Variants in EML5 observed in about 807,000 individuals in gnomAD.
EML5 encodes the protein echinoderm microtubule-associated protein-like 5.
EML5 carries 120 observed loss-of-function variants against 250.0 expected under a neutral mutation model. That is an observed-to-expected ratio of 0.48 (90% CI 0.41 to 0.56). EML5 has a LOEUF of 0.56. Ranked by LOEUF, EML5 falls within the 20% of genes least tolerant of loss-of-function variation. The pLI is 0.00. For missense variants in EML5, 2,006 were observed against 2,437.6 expected (o/e 0.82, Z 3.73); for synonymous variants, 771 against 806.5 (o/e 0.96, Z 0.75).
At chr14:88,714,645 T>C (rs1443952898) in intron 9 of EML5, among the ~76,000 whole-genome samples, 3 of 152,168 alleles carry the variant, frequency 2.0e-5, no homozygotes, top group African/African-American at 7.2e-5. Flanking sequence ...ATCAAAACAT[T>C]ACATTGTAAA....
intron 21 of EML5, among the ~76,000 whole-genome samples, chr14:88,670,618 T>C (rs1254489868): frequency 6.6e-6 from 1 of 152,166 alleles, no homozygotes; most frequent in Non-Finnish European, 1.5e-5. Context: ...TAATGAATTT[T>C]GCTGAGCTAA....
In EML5 at chr14:88,614,769, A is replaced by T. The variant is rs1595168615; in HGVS notation, c.*1049T>A. 1 of 152,240 alleles carries T rather than the reference A, an allele frequency of 6.6e-6. No individual in the cohort carries two copies. The highest frequency in any genetic ancestry group is 2.4e-5 in the African/African-American group (1 of 41,474). 9.4% of individuals were successfully genotyped at this position (152,240 alleles called of 1,614,324 possible). A position where few individuals can be genotyped will look rare whatever the true frequency, so the allele number is the denominator to read the frequency against. On this transcript the variant is annotated 3_prime_UTR_variant, in exon 44 of 44. Transcript: ENST00000554922. ...AATTCAGCCCTAATCCACTAAAAAA[A>T]GGAATTCTAACTGACAAGTTTTTAC... is the stretch of plus-strand genomic sequence containing the variant.
intron 1 of EML5, among the ~76,000 whole-genome samples, chr14:88,767,862 C>T (rs776910548): frequency 5.5e-5 from 7 of 127,148 alleles, no homozygotes; most frequent in Non-Finnish European, 7.9e-5. Context: ...AATATCATTA[C>T]CTAAACTAAA....
rs762287867 is a variant in EML5, at chr14:88,643,038, T to A, written c.4108-16A>T. 5.7e-5 allele frequency: 88 copies of A among 1,555,658 alleles called. No individual in the cohort carries two copies. The highest frequency in any genetic ancestry group is 1.7e-4 in the Middle Eastern group (1 of 5,884). On this transcript the variant is annotated splice_polypyrimidine_tract_variant and intron_variant, in intron 30 of 43. Transcript: ENST00000554922. ...ACACAAGGTCCTATAATGATAATAA[T>A]AAAACCATTATATTCTTCCTCATGT...
intron 17 of EML5, among the ~76,000 whole-genome samples, chr14:88,688,954 C>T (rs2092899613): frequency 6.6e-6 from 1 of 152,120 alleles, no homozygotes; most frequent in Non-Finnish European, 1.5e-5. Context: ...TTTAAGCAAT[C>T]TCATTTTTCA....
intron 9 of EML5, among the ~76,000 whole-genome samples, chr14:88,713,836 ATTTG>A (rs1202325555): frequency 2.5e-5 from 3 of 122,016 alleles, no homozygotes; most frequent in East Asian, 4.2e-4. Context: ...TGCAAAGTTT[ATTTG>A]TTTTTTTTTT....
Position 88,644,459 on chromosome 14 carries a change from C to T in EML5, c.4081G>A (p.Val1361Ile), listed in dbSNP as rs1277706954. ...PQPEKLQTNNVGKKKRPIEDL... is the reference protein window; with the variant it reads ...PQPEKLQTNNIGKKKRPIEDL... Reference sequence around the variant, plus strand: ...TCTATAGGTCTCTTTTTCTTGCCTACATTGTTTGTCTGGAGTTTCTCTGGC... The same window carrying T: ...TCTATAGGTCTCTTTTTCTTGCCTATATTGTTTGTCTGGAGTTTCTCTGGC... The change falls in exon 30 of 44, where the codon GTA becomes ATA. Residue 1361 changes from valine (V) to isoleucine (I), a missense_variant. Coordinates refer to ENST00000554922, the MANE Select transcript of EML5 (RefSeq NM_183387.3). 3.7e-6 allele frequency: 6 copies of T among 1,613,750 alleles called. No individual in the cohort carries two copies. The highest frequency in any genetic ancestry group is 1.1e-5 in the South Asian group (1 of 91,072).
chr14:88,756,034 T>C (rs1383835092), intron 1 of EML5, among the ~76,000 whole-genome samples: 1 of 151,868 alleles, frequency 6.6e-6, no homozygotes, highest in Admixed American at 6.6e-5. Context: ...ATAAAGAAGA[T>C]AAAATTAACA....
At position 88,687,151 on chromosome 14, in the gene EML5, C is replaced by T. The variant is rs2092851168; in HGVS notation, c.2854+65G>A. On this transcript the variant is annotated intron_variant, in intron 19 of 43. Coordinates refer to ENST00000554922, the MANE Select transcript of EML5 (RefSeq NM_183387.3). ...ATGCCATGTGTTCCACCTCAGTGAT[C>T]ACACACATTAATGAGCAATTAATCT... 4.1e-6 allele frequency: 5 copies of T among 1,223,910 alleles called. No individual in the cohort carries two copies. The Admixed American group carries it at 1.1e-4, about 28-fold the overall frequency. The allele number at this position is 1,223,910 out of a possible 1,614,324, so 75.8% of individuals were successfully genotyped here. A position where few individuals can be genotyped will look rare whatever the true frequency, so the allele number is the denominator to read the frequency against.
At chr14:88,751,317 T>C (rs955313950) in intron 2 of EML5, among the ~76,000 whole-genome samples, 3 of 152,146 alleles carry the variant, frequency 2.0e-5, no homozygotes, top group East Asian at 1.9e-4. Flanking sequence ...AATCCATTAA[T>C]TGGAAGAGAG....
intron 21 of EML5, among the ~76,000 whole-genome samples, chr14:88,667,109 A>C (rs1437347952): frequency 7.9e-5 from 12 of 152,172 alleles, no homozygotes; most frequent in Admixed American, 5.9e-4. Context: ...GATAAACTAG[A>C]GGAGGAACCA....
At chr14:88,621,531 A>T in intron 37 of EML5, 1 of 555,502 alleles carries the variant, frequency 1.8e-6, no homozygotes, top group Non-Finnish European at 3.2e-6. Flanking sequence ...ACAGAATAGA[A>T]CTTTTCTGTG....
At position 88,792,944 on chromosome 14, in the gene EML5, G is replaced by GAGCGA. The variant is rs2094625333; in HGVS notation, c.-446_-442dup. ...GACCCGCGCCGCGCACCCCGAAACC[G>GAGCGA]AGCGAGCCGAGCCGAGCCGAGCCGA... On this transcript the variant is annotated 5_prime_UTR_variant, in exon 1 of 44. Transcript: ENST00000554922. This position sits in a 1 kb window ranked among gnomAD's most constrained non-coding sequence, Gnocchi z 6.9. Among the ~76,000 whole-genome samples the GAGCGA allele has an allele frequency of 6.8e-6, 1 of 146,592 alleles. No individual in the cohort carries two copies. The highest frequency in any genetic ancestry group is 1.5e-5 in the Non-Finnish European group (1 of 67,464).
At position 88,726,709 on chromosome 14, in the gene EML5, G is replaced by A. The variant is rs144277481; in HGVS notation, c.1050-31C>T. On this transcript the variant is annotated intron_variant, in intron 7 of 43. Coordinates refer to ENST00000554922, the MANE Select transcript of EML5 (RefSeq NM_183387.3). ...AAATTTAATTTAAAAAATAAAAAAG[G>A]TTAGCTAATGCATACTTTAGTAAAA... 21 of 1,467,904 alleles carry A rather than the reference G, an allele frequency of 1.4e-5. No individual in the cohort carries two copies. In the East Asian group the frequency reaches 4.3e-4, roughly 30 times the overall value. 90.9% of individuals were successfully genotyped at this position (1,467,904 alleles called of 1,614,324 possible). A position where few individuals can be genotyped will look rare whatever the true frequency, so the allele number is the denominator to read the frequency against.
intron 3 of EML5, among the ~76,000 whole-genome samples, chr14:88,745,167 T>TTGTTTGTTTGTGTGTGTGTGTG (rs148282706): frequency 0.029 from 4,190 of 145,174 alleles, 87 homozygotes; most frequent in African/African-American, 0.055. Context: ...AATTGTGTGT[T>TTGTTTGTTTGTGTGTGTGTGTG]TGTGTGTGTG....
intron 27 of EML5, among the ~76,000 whole-genome samples, chr14:88,651,570 C>A (rs2091628645): frequency 6.6e-6 from 1 of 151,944 alleles, no homozygotes; most frequent in Admixed American, 6.6e-5. Flanking sequence ...ATCAATATAA[C>A]AAATGAAAGA....
intron 17 of EML5, among the ~76,000 whole-genome samples, chr14:88,693,763 CTTTTTTTTTTTT>C (rs71127002): frequency 8.0e-5 from 5 of 62,846 alleles, no homozygotes; most frequent in African/African-American, 1.5e-4. Flanking sequence ...ATGTTAACAT[CTTTTTTTTTTTT>C]TTTTTTTTTT....
chr14:88,658,192 T>C lies in EML5; in HGVS notation c.3872A>G (p.Asp1291Gly). The C allele has an allele frequency of 6.2e-7, 1 of 1,613,654 alleles. No individual in the cohort carries two copies. Among genetic ancestry groups the C allele is most frequent in the Non-Finnish European group, 8.5e-7 (1 of 1,179,702 alleles). The change falls in exon 26 of 44, where the codon GAT becomes GGT. Residue 1291 changes from aspartate (D) to glycine (G), a missense_variant. Physicochemically the swap from Asp to Gly is moderately conservative, Grantham distance 94. Transcript: ENST00000554922. ...AGTATTATAAAATGACGTACCCCCA[T>C]CTTCTTCAGAATCAATGTCGGATTC... ...SEESDIDSEE[D>G]GGYDSDVTRE...
intron 14 of EML5, among the ~76,000 whole-genome samples, chr14:88,700,505 T>A (rs1052902640): frequency 4.0e-5 from 6 of 151,822 alleles, no homozygotes; most frequent in South Asian, 2.1e-4. Flanking sequence ...AAAGGAAAAA[T>A]TTCCAATCAA....
Sources: gnomAD v4.1 joint callset for allele counts (sites outside exome capture counted in the v4.1 genomes callset) on GRCh38, gnomAD v4.1.1 for gene constraint, Gnocchi (gnomAD v3.1) non-coding constraint, MANE v1.5 for transcripts, NCBI Gene and HGNC (gene_info 2026-07-23, HGNC 2026-07-21) for gene names.